Variants in SMCHD1 observed in about 807,000 individuals in gnomAD.
The protein encoded by SMCHD1 is structural maintenance of chromosomes flexible hinge domain-containing protein 1.
A neutral mutation model predicts 254.7 loss-of-function variants in SMCHD1; 78 were observed. The ratio of observed to expected loss-of-function variants is 0.31; its 90% confidence interval spans 0.26 to 0.37. The LOEUF is 0.37. Among genes scored for constraint, SMCHD1 ranks in the 10% least tolerant of loss-of-function variants. The pLI is 1.00. For synonymous variants in SMCHD1, 766 were observed against 794.9 expected, an observed-to-expected ratio of 0.96 and a Z score of 0.61; for missense variants, 1,840 against 2,408.1, an observed-to-expected ratio of 0.76 and a Z score of 4.94.
At chr18:2,726,381 G>C in intron 21 of SMCHD1, 71 bp from the exon 22 acceptor site, 1 of 780,630 alleles carries the variant, frequency 1.3e-6, no homozygotes, top group African/African-American at 1.8e-5. Context: ...ATATAAATCA[G>C]AATTGATGTG....
Position 2,697,954 on chromosome 18 carries a change from G to T in SMCHD1, c.1255G>T (p.Gly419Ter). Residue 419 changes from glycine to a stop codon, truncating the protein, a stop_gained, in exon 10 of 48, where the codon GGA becomes TGA. Transcript: ENST00000320876. LOFTEE classifies it high-confidence loss of function. ...DSFEFKAHVEGDGVVEGIIRY... is the reference protein window; with the variant it reads ...DSFEFKAHVE ...TTTTGAATTCAAAGCTCATGTTGAA[G>T]GAGATGGTGTAGTGGAAGGGATTAT... 6.2e-7 allele frequency: 1 copy of T among 1,613,738 alleles called. No homozygotes were observed. Among genetic ancestry groups the T allele is most frequent in the Non-Finnish European group, 8.5e-7 (1 of 1,179,736 alleles).
chr18:2,775,672 CAT>C, intron 41 of SMCHD1, 60 bp from the exon 42 acceptor site: 1 of 1,309,772 alleles, frequency 7.6e-7, no homozygotes. Flanking sequence ...GGGCTTTTAA[CAT>C]AATATCAAAT....
intron 22 of SMCHD1, 25 bp from the exon 23 acceptor site, chr18:2,728,432 A>G (rs750569045): frequency 3.7e-6 from 6 of 1,607,660 alleles, no homozygotes; most frequent in Admixed American, 3.4e-5. Flanking sequence ...CTGAATATGT[A>G]TTTCATTGTA....
chr18:2,770,833 CT>C (rs1568354160), intron 39 of SMCHD1, among the ~76,000 whole-genome samples: 1 of 151,986 alleles, frequency 6.6e-6, no homozygotes, highest in Non-Finnish European at 1.5e-5. Flanking sequence ...GTTGGCCGGG[CT>C]GGTCTCGAAC....
Position 2,732,295 on chromosome 18 carries a change from A to G in SMCHD1, c.3079A>G (p.Thr1027Ala), listed in dbSNP as rs2143484574. Residue 1027 changes from threonine to alanine, a missense_variant, in exon 25 of 48, where the codon ACT becomes GCT. By Grantham distance (58) the Thr-to-Ala change is moderately conservative (BLOSUM62 0). Around this residue, in one of 9 missense-constraint regions of SMCHD1, gnomAD observed 881 missense variants for 1,009.5 expected, o/e 0.87. Transcript: ENST00000320876. ...SCKDVAPVEK[T>A]IKLLPSSHVA... is the part of the protein sequence containing the mutation. ...TAAAGATGTGGCACCTGTGGAGAAGACTATTAAGTTGCTTCCCAGTAGCCA... is the reference window on the plus strand; with the variant it reads ...TAAAGATGTGGCACCTGTGGAGAAGGCTATTAAGTTGCTTCCCAGTAGCCA... The G allele has an allele frequency of 6.2e-7, 1 of 1,613,754 alleles. No individual in the cohort carries two copies. Among genetic ancestry groups the G allele is most frequent in the Non-Finnish European group, 8.5e-7 (1 of 1,179,760 alleles).
chr18:2,786,889 A>C (rs746618804), intron 45 of SMCHD1, among the ~76,000 whole-genome samples: 2 of 152,172 alleles, frequency 1.3e-5, no homozygotes, highest in African/African-American at 4.8e-5. Flanking sequence ...GTTCAACACT[A>C]TGCATGTAGT....
rs1568068445 is a variant in SMCHD1, at chr18:2,662,171, A to AT, written c.187-3986_187-3985insT. On this transcript the variant is annotated intron_variant, in intron 1 of 47. Transcript: ENST00000320876. ...ACAGAGCGAGACTCCGTCTCAAAAA[A>AT]AAAAAAATAAAATAAATAAATAAAT... 4.4e-5 allele frequency among the ~76,000 whole-genome samples: 4 copies of AT among 90,292 alleles called. No homozygotes were observed. The East Asian group carries it at 7.1e-4, about 16-fold the overall frequency. The allele number at this position is 90,292 out of a possible 152,430, so 59.2% of individuals were successfully genotyped here.
intron 5 of SMCHD1, 92 bp downstream of exon 5, chr18:2,674,237 T>G (rs1429380866): frequency 2.8e-6 from 3 of 1,053,926 alleles, no homozygotes; most frequent in South Asian, 1.9e-5. Flanking sequence ...TATGATACAT[T>G]GGAGGTTTTA....
Position 2,718,067 on chromosome 18 carries a change from A to G in SMCHD1, c.2261-91A>G. ...TCAAAGCAGGTTTTAAAATACAGCA[A>G]ATAGGTATTTGGTGCCAATGTGACA... On this transcript the variant is annotated intron_variant, in intron 17 of 47. Transcript: ENST00000320876. The surrounding 1 kb of genome is among the most constrained non-coding windows in gnomAD (Gnocchi z 4.6). 2 of 938,638 alleles carry G rather than the reference A, an allele frequency of 2.1e-6. No individual in the cohort carries two copies. The highest frequency in any genetic ancestry group is 1.6e-5 in the South Asian group (1 of 62,502). The allele number at this position is 938,638 out of a possible 1,614,324, so 58.1% of individuals were successfully genotyped here. A position where few individuals can be genotyped will look rare whatever the true frequency, so the allele number is the denominator to read the frequency against.
At chr18:2,686,642 A>G (rs2143934911) in intron 5 of SMCHD1, among the ~76,000 whole-genome samples, 1 of 151,770 alleles carries the variant, frequency 6.6e-6, no homozygotes, top group South Asian at 2.1e-4. Context: ...GTATTGTGTG[A>G]GGTGTTTTGT....
At position 2,804,155 on chromosome 18, in the gene SMCHD1, C is replaced by T. The variant is rs2076410116; in HGVS notation, c.*1603C>T. 6.6e-6 allele frequency: 1 copy of T among 152,172 alleles called. No individual in the cohort carries two copies. The highest frequency in any genetic ancestry group is 1.9e-4 in the East Asian group (1 of 5,188). 9.4% of individuals were successfully genotyped at this position (152,172 alleles called of 1,614,324 possible). On this transcript the variant is annotated 3_prime_UTR_variant, in exon 48 of 48. Transcript: ENST00000320876. ...TGACTTTTTAGGAACTAGACTTGAA[C>T]GTATAATTAATATGTGGAACTAGTT...
chr18:2,688,820 A>C (rs1164539205), intron 7 of SMCHD1, 73 bp downstream of exon 7: 23 of 951,750 alleles, frequency 2.4e-5, no homozygotes, highest in Admixed American at 1.4e-4. Context: ...TTAACTTGAA[A>C]GTATGAAATT....
At chr18:2,679,850 C>T (rs1031714921) in intron 5 of SMCHD1, among the ~76,000 whole-genome samples, 2 of 152,072 alleles carry the variant, frequency 1.3e-5, no homozygotes, top group African/African-American at 2.4e-5. Context: ...TATCCATATA[C>T]TTGATGGTGT....
At chr18:2,791,235 A>C (rs2076159679) in intron 45 of SMCHD1, among the ~76,000 whole-genome samples, 1 of 152,226 alleles carries the variant, frequency 6.6e-6, no homozygotes, top group South Asian at 2.1e-4. Flanking sequence ...ATGAATACCT[A>C]AGAACAGAGA....
intron 19 of SMCHD1, among the ~76,000 whole-genome samples, chr18:2,722,247 G>A (rs2074942190): frequency 6.6e-6 from 1 of 152,104 alleles, no homozygotes; most frequent in African/African-American, 2.4e-5. Context: ...AGACCAGTGT[G>A]GGCAACATGA....
intron 45 of SMCHD1, chr18:2,784,947 T>TA (rs35051153): frequency 0.015 from 4,868 of 324,074 alleles, 11 homozygotes; most frequent in African/African-American, 0.026. Flanking sequence ...CTCCATCTCT[T>TA]AAAAAAAAAA....
At chr18:2,658,392 CA>C (rs1440985132) in intron 1 of SMCHD1, among the ~76,000 whole-genome samples, 3 of 152,164 alleles carry the variant, frequency 2.0e-5, no homozygotes, top group African/African-American at 7.2e-5. Flanking sequence ...AGTTAGTATT[CA>C]AACCCAGAAC....
intron 45 of SMCHD1, among the ~76,000 whole-genome samples, chr18:2,786,099 G>A (rs895593865): frequency 9.9e-5 from 15 of 151,668 alleles, no homozygotes; most frequent in African/African-American, 2.9e-4. Context: ...CTGCAACCTC[G>A]GTCTCCCGGG....
intron 8 of SMCHD1, 123 bp downstream of exon 8, chr18:2,694,816 G>C: frequency 1.4e-6 from 1 of 733,916 alleles, no homozygotes; most frequent in East Asian, 2.7e-5. Flanking sequence ...CTTCCCTTTA[G>C]TATTATCCAG....
Sources: allele counts gnomAD v4.1 joint callset (sites outside exome capture counted in the v4.1 genomes callset), GRCh38; gene constraint gnomAD v4.1.1; regional missense constraint gnomAD v4.1.1; non-coding constraint Gnocchi (gnomAD v3.1); transcripts MANE v1.5; gene names NCBI Gene and HGNC (gene_info 2026-07-23, HGNC 2026-07-21).